CLSTN2: variants seen among roughly 807,000 people sequenced by gnomAD.
CLSTN2 encodes the protein calsyntenin 2.
A neutral mutation model predicts 101.2 loss-of-function variants in CLSTN2; 48 were observed. The observed-to-expected ratio is 0.47, with a 90% CI of 0.38 to 0.60. The LOEUF is 0.60. Among genes scored for constraint, CLSTN2 ranks in the 20% least tolerant of loss-of-function variants. The probability of loss-of-function intolerance (pLI) is 0.00; values close to 1 mark genes in which losing one functional copy is unlikely to be tolerated. For missense variants in CLSTN2, 1,160 were observed against 1,238.2 expected (o/e 0.94, Z 0.95); for synonymous variants, 481 against 463.6 (o/e 1.04, Z -0.48).
chr3:140,555,616 G>A (rs185280889), intron 10 of CLSTN2, among the ~76,000 whole-genome samples: 1 of 152,248 alleles, frequency 6.6e-6, no homozygotes, highest in East Asian at 1.9e-4. Flanking sequence ...TCCCTTTCCT[G>A]TGCCATGAGC....
intron 2 of CLSTN2, among the ~76,000 whole-genome samples, chr3:140,373,709 A>G (rs1483642248): frequency 6.6e-6 from 1 of 152,202 alleles, no homozygotes; most frequent in African/African-American, 2.4e-5. Context: ...TCTAACCTAC[A>G]TACACCATCA....
At chr3:140,069,019 T>A (rs1449300362) in intron 1 of CLSTN2, among the ~76,000 whole-genome samples, 1 of 152,224 alleles carries the variant, frequency 6.6e-6, no homozygotes, top group African/African-American at 2.4e-5. Flanking sequence ...AGGTATTCAA[T>A]AACATTTTGC....
At chr3:140,485,143 G>A (rs577027966) in intron 8 of CLSTN2, among the ~76,000 whole-genome samples, 19 of 152,220 alleles carry the variant, frequency 1.2e-4, no homozygotes, top group African/African-American at 2.9e-4. Context: ...ATTTTGGTGC[G>A]GATGTCCTAT....
At chr3:140,090,505 A>G (rs1439977646) in intron 1 of CLSTN2, among the ~76,000 whole-genome samples, 1 of 152,110 alleles carries the variant, frequency 6.6e-6, no homozygotes, top group Non-Finnish European at 1.5e-5. Context: ...CAAAGGTACT[A>G]TCAATAATGG....
intron 5 of CLSTN2, among the ~76,000 whole-genome samples, chr3:140,447,533 C>T (rs575185938): frequency 1.3e-5 from 2 of 152,322 alleles, no homozygotes; most frequent in South Asian, 2.1e-4. Flanking sequence ...CCATTTTAAT[C>T]GTGATTTTGT....
intron 7 of CLSTN2, among the ~76,000 whole-genome samples, chr3:140,465,545 G>T (rs986806879): frequency 1.3e-5 from 2 of 152,194 alleles, no homozygotes; most frequent in Non-Finnish European, 2.9e-5. Context: ...TCATGAGCCT[G>T]TTTGGCCAGG....
chr3:140,118,729 G>A (rs2009286844), intron 1 of CLSTN2, among the ~76,000 whole-genome samples: 1 of 152,118 alleles, frequency 6.6e-6, no homozygotes. Context: ...ACAGATACTG[G>A]AAAAGTTATT....
chr3:140,421,047 G>A, intron 4 of CLSTN2, 78 bp from the exon 5 acceptor site: 1 of 1,410,494 alleles, frequency 7.1e-7, no homozygotes, highest in East Asian at 2.3e-5. Context: ...AAGGTGGGTG[G>A]AGTGGAGAAG....
intron 4 of CLSTN2, among the ~76,000 whole-genome samples, chr3:140,418,512 TCTTTC>T (rs768497280): frequency 1.6e-4 from 14 of 86,180 alleles, no homozygotes; most frequent in Admixed American, 3.2e-4. Flanking sequence ...TTTCTTTCTT[TCTTTC>T]TTTTTTTTTT....
In CLSTN2 at chr3:140,144,557, A is replaced by G. The variant is rs568534948; in HGVS notation, c.110-31394A>G. Among the ~76,000 whole-genome samples, 97 of 152,266 alleles carry G rather than the reference A, an allele frequency of 6.4e-4. 2 individuals are homozygous for G. The highest frequency in any genetic ancestry group is 2.1e-3 in the African/African-American group (89 of 41,552). Reference sequence around the variant, plus strand: ...CTTGAACCCAGGAGGCGTAGGTTGCAGTGAGCCAAGATCGCGCCACTGCAC... The same window carrying G: ...CTTGAACCCAGGAGGCGTAGGTTGCGGTGAGCCAAGATCGCGCCACTGCAC... On this transcript the variant is annotated intron_variant, in intron 1 of 16. Coordinates refer to ENST00000458420, the MANE Select transcript of CLSTN2 (RefSeq NM_022131.3).
chr3:140,131,337 A>AT (rs1371751706), intron 1 of CLSTN2, among the ~76,000 whole-genome samples: 1 of 151,860 alleles, frequency 6.6e-6, no homozygotes, highest in Admixed American at 6.6e-5. Flanking sequence ...CTCTAAGGTC[A>AT]TTTTTTGGCT....
intron 4 of CLSTN2, among the ~76,000 whole-genome samples, chr3:140,416,612 T>G (rs2088434146): frequency 6.6e-6 from 1 of 152,248 alleles, no homozygotes; most frequent in Non-Finnish European, 1.5e-5. Flanking sequence ...TGTGTGGTCT[T>G]TGACAAGTTA....
intron 2 of CLSTN2, among the ~76,000 whole-genome samples, chr3:140,308,507 A>C (rs1187859946): frequency 6.6e-6 from 1 of 152,236 alleles, no homozygotes; most frequent in Non-Finnish European, 1.5e-5. Flanking sequence ...AGGAATCTGC[A>C]TCTCCTTTGG....
chr3:140,540,052 G>C (rs1935442882), intron 9 of CLSTN2, among the ~76,000 whole-genome samples: 1 of 152,164 alleles, frequency 6.6e-6, no homozygotes, highest in Non-Finnish European at 1.5e-5. Flanking sequence ...CCTTCCTACT[G>C]CTGCTTATTT....
chr3:140,353,930 A>G (rs1416064614), intron 2 of CLSTN2, among the ~76,000 whole-genome samples: 1 of 152,202 alleles, frequency 6.6e-6, no homozygotes, highest in African/African-American at 2.4e-5. Flanking sequence ...ACATCAGACC[A>G]TAGAGGTGCT....
chr3:140,520,475 A>G (rs1368477385), intron 8 of CLSTN2, among the ~76,000 whole-genome samples: 1 of 152,196 alleles, frequency 6.6e-6, no homozygotes, highest in African/African-American at 2.4e-5. Flanking sequence ...TGCCTCTAAA[A>G]CTATCAGATC....
chr3:140,532,263 G>C, intron 8 of CLSTN2, 61 bp from the exon 9 acceptor site: 7 of 1,402,544 alleles, frequency 5.0e-6, no homozygotes, highest in Non-Finnish European at 6.8e-6. Context: ...TAGAGTAAAA[G>C]CCTGTTTGAT....
chr3:140,501,077 A>G (rs116536822), intron 8 of CLSTN2, among the ~76,000 whole-genome samples: 1,549 of 152,202 alleles, frequency 0.01, 26 homozygotes, highest in African/African-American at 0.035. Flanking sequence ...CTGTTGAGAG[A>G]GCCAGCCCTT....
At chr3:140,225,763 G>A (rs1254028461) in intron 2 of CLSTN2, among the ~76,000 whole-genome samples, 3 of 152,034 alleles carry the variant, frequency 2.0e-5, no homozygotes, top group Admixed American at 1.3e-4. Flanking sequence ...CCAAAGTGCT[G>A]GGATTACAGG....
Sources: gnomAD v4.1 joint callset for allele counts (sites outside exome capture counted in the v4.1 genomes callset) on GRCh38, gnomAD v4.1.1 for gene constraint, MANE v1.5 for transcripts, NCBI Gene and HGNC (gene_info 2026-07-23, HGNC 2026-07-21) for gene names.